ITGA11: variants seen among roughly 807,000 people sequenced by gnomAD.
ITGA11 encodes integrin alpha-11.
In ITGA11, 97 loss-of-function variants were observed where a neutral mutation model predicts 141.9. That is an observed-to-expected ratio of 0.68 (90% CI 0.58 to 0.81). The LOEUF is 0.81. Among genes scored for constraint, ITGA11 ranks in the 30% least tolerant of loss-of-function variants. The probability of loss-of-function intolerance (pLI) is 0.00; values close to 1 mark genes in which losing one functional copy is unlikely to be tolerated. For missense variants in ITGA11, 1,387 were observed against 1,559.2 expected (o/e 0.89, Z 1.86); for synonymous variants, 658 against 624.6 (o/e 1.05, Z -0.80).
Position 68,307,791 on chromosome 15 carries a change from G to GCCCC in ITGA11, c.3175-96_3175-95insGGGG. Reference sequence around the variant, plus strand: ...AACGACTGGGGCTCTGCTCCTGGGGGCAGGGGCAGAGGACAGGGGACAAAG... The same window carrying GCCCC: ...AACGACTGGGGCTCTGCTCCTGGGGGCCCCCAGGGGCAGAGGACAGGGGACAAAG... On this transcript the variant is annotated intron_variant, in intron 26 of 29. Transcript: ENST00000315757. The surrounding 1 kb of genome is among the most constrained non-coding windows in gnomAD (Gnocchi z 6.1). 8.7e-6 allele frequency: 7 copies of GCCCC among 804,060 alleles called. No homozygotes were observed. The highest frequency in any genetic ancestry group is 1.4e-5 in the Non-Finnish European group (7 of 485,932). 49.8% of individuals were successfully genotyped at this position (804,060 alleles called of 1,614,324 possible).
intron 2 of ITGA11, among the ~76,000 whole-genome samples, chr15:68,383,042 C>T (rs1895900497): frequency 1.3e-5 from 2 of 152,102 alleles, no homozygotes; most frequent in South Asian, 4.1e-4. Context: ...GAGGCCGAGG[C>T]AGGCGGATCA....
chr15:68,351,223 G>A lies in ITGA11; in HGVS notation c.894+35C>T, dbSNP rs750309194. 4 of 1,611,130 alleles carry A rather than the reference G, an allele frequency of 2.5e-6. No homozygotes were observed. The South Asian group carries it at 4.4e-5, about 18-fold the overall frequency. ...GGATTTGATGGTAAAGCCTCTCAGA[G>A]GCCATCAGCAGCCCTTGGGCGGGCC... On this transcript the variant is annotated intron_variant, in intron 8 of 29. Transcript: ENST00000315757.
At chr15:68,315,135 G>A (rs1338721819) in intron 22 of ITGA11, among the ~76,000 whole-genome samples, 1 of 152,120 alleles carries the variant, frequency 6.6e-6, no homozygotes, top group Admixed American at 6.5e-5. Flanking sequence ...AGGGGAGAGA[G>A]GTGACTAGGA....
At chr15:68,430,127 A>G (rs528131898) in intron 1 of ITGA11, among the ~76,000 whole-genome samples, 1 of 152,360 alleles carries the variant, frequency 6.6e-6, no homozygotes, top group Admixed American at 6.5e-5. Flanking sequence ...CCCATATTTC[A>G]AGAATGCAAC....
chr15:68,406,570 C>G (rs1036145870), intron 1 of ITGA11, among the ~76,000 whole-genome samples: 4 of 152,186 alleles, frequency 2.6e-5, no homozygotes, highest in African/African-American at 9.7e-5. Flanking sequence ...TTCCTGTGCT[C>G]CATTTTTCCT....
At position 68,331,850 on chromosome 15, in the gene ITGA11, A is replaced by G. The variant is rs1385582707; in HGVS notation, c.1770+9T>C. On this transcript the variant is annotated intron_variant, in intron 14 of 29. Transcript: ENST00000315757. ...ATTTGCTCCATCCGCTTCCCCAGGG[A>G]AGCCTGACCTGCTTAGGTGTCTTCA... 1 of 1,607,778 alleles carries G rather than the reference A, an allele frequency of 6.2e-7. No individual in the cohort carries two copies. Among genetic ancestry groups the G allele is most frequent in the South Asian group, 1.1e-5 (1 of 89,646 alleles).
chr15:68,386,959 CT>C (rs1896000147), intron 2 of ITGA11, among the ~76,000 whole-genome samples: 1 of 152,070 alleles, frequency 6.6e-6, no homozygotes, highest in African/African-American at 2.4e-5. Context: ...CCCTCACCCC[CT>C]ATCTCACCCA....
intron 1 of ITGA11, among the ~76,000 whole-genome samples, chr15:68,417,863 A>T (rs1206516155): frequency 1.3e-5 from 2 of 152,196 alleles, no homozygotes; most frequent in Non-Finnish European, 2.9e-5. Context: ...TGCTATGGAG[A>T]ATCTGTTCTT....
At chr15:68,425,642 G>T (rs569122848) in intron 1 of ITGA11, among the ~76,000 whole-genome samples, 43 of 152,296 alleles carry the variant, frequency 2.8e-4, no homozygotes, top group South Asian at 1.0e-3. Context: ...ACCTGGCCCG[G>T]CCTGACTGAC....
rs1895240759 is a variant in ITGA11, at chr15:68,361,454, G to A, written c.472+136C>T. On this transcript the variant is annotated intron_variant, in intron 5 of 29. Transcript: ENST00000315757. ...CAGAGAGTGGAGTGATACATTCCAG[G>A]TCATCCGGAGAGCTGGGGCAGGACA... is the stretch of plus-strand genomic sequence containing the variant. The A allele has an allele frequency of 1.4e-5, 9 of 625,066 alleles. No individual in the cohort carries two copies. The South Asian group carries it at 1.7e-4, about 12-fold the overall frequency. The allele number at this position is 625,066 out of a possible 1,614,324, so 38.7% of individuals were successfully genotyped here.
chr15:68,364,018 C>T (rs979148803), intron 4 of ITGA11, among the ~76,000 whole-genome samples: 1 of 152,184 alleles, frequency 6.6e-6, no homozygotes, highest in African/African-American at 2.4e-5. Context: ...ATCCCGGTGC[C>T]CAGCACTGGG....
chr15:68,403,347 G>C (rs945964883), intron 1 of ITGA11, among the ~76,000 whole-genome samples: 1 of 152,256 alleles, frequency 6.6e-6, no homozygotes, highest in East Asian at 1.9e-4. Flanking sequence ...GGAGATGTTT[G>C]GGTCATGGGG....
chr15:68,403,047 G>C lies in ITGA11; in HGVS notation c.53-18C>G. On this transcript the variant is annotated intron_variant, in intron 1 of 29. Coordinates refer to ENST00000315757, the MANE Select transcript of ITGA11 (RefSeq NM_001004439.2). The stretch of plus-strand genomic sequence containing the variant: ...CGTGAACCCTGAGGCAGGGGGAGAG[G>C]AGAGGAGAAGCAGGGGAGTCAGACA... 2 of 1,555,526 alleles carry C rather than the reference G, an allele frequency of 1.3e-6. No individual in the cohort carries two copies. Among genetic ancestry groups the C allele is most frequent in the South Asian group, 2.3e-5 (2 of 88,838 alleles).
intron 1 of ITGA11, among the ~76,000 whole-genome samples, chr15:68,419,430 C>T (rs1896965428): frequency 6.6e-6 from 1 of 152,198 alleles, no homozygotes; most frequent in South Asian, 2.1e-4. Flanking sequence ...TGTTCAGGCT[C>T]TGTTAAGGGC....
At chr15:68,364,907 T>G in intron 3 of ITGA11, 109 bp from the exon 4 acceptor site, 1 of 1,051,258 alleles carries the variant, frequency 9.5e-7, no homozygotes, top group Admixed American at 2.0e-5. Flanking sequence ...TCCCTGACCC[T>G]GGGGACCTCT....
Position 68,348,913 on chromosome 15 carries a change from G to A in ITGA11, c.1061-13C>T, listed in dbSNP as rs1379398222. 1.7e-5 allele frequency: 27 copies of A among 1,599,350 alleles called. No homozygotes were observed. Among genetic ancestry groups the A allele is most frequent in the Non-Finnish European group, 2.2e-5 (26 of 1,172,432 alleles). On this transcript the variant is annotated splice_polypyrimidine_tract_variant and intron_variant, in intron 9 of 29. Transcript: ENST00000315757. The stretch of plus-strand genomic sequence containing the variant: ...TTCTTGTTGGTGCCTGCAACAGAGT[G>A]ACAGAGAGATGTCAGCTCCATGCCC...
intron 2 of ITGA11, among the ~76,000 whole-genome samples, chr15:68,387,667 G>A (rs1474751231): frequency 6.6e-6 from 1 of 152,018 alleles, no homozygotes; most frequent in Non-Finnish European, 1.5e-5. Context: ...TACATCCGCT[G>A]GGCTCCAATC....
Position 68,357,114 on chromosome 15 carries a change from A to T in ITGA11, c.749+37T>A, listed in dbSNP as rs541776925. The T allele has an allele frequency of 1.1e-4, 175 of 1,598,940 alleles. 2 individuals carry two copies. In the South Asian group the frequency reaches 1.9e-3, roughly 18 times the overall value. On this transcript the variant is annotated intron_variant, in intron 7 of 29. Coordinates refer to ENST00000315757, the MANE Select transcript of ITGA11 (RefSeq NM_001004439.2). ...ATAGATAACTACAATAGCATCTGAG[A>T]TCTAAAAAAATTTTTTTTGTTCTAC...
intron 1 of ITGA11, among the ~76,000 whole-genome samples, chr15:68,403,901 C>A (rs962324406): frequency 6.6e-6 from 1 of 151,984 alleles, no homozygotes; most frequent in Non-Finnish European, 1.5e-5. Flanking sequence ...GTATTAGCCC[C>A]ACAAAGAAAG....
Sources: allele counts gnomAD v4.1 joint callset (sites outside exome capture counted in the v4.1 genomes callset), GRCh38; gene constraint gnomAD v4.1.1; non-coding constraint Gnocchi (gnomAD v3.1); transcripts MANE v1.5; gene names NCBI Gene and HGNC (gene_info 2026-07-23, HGNC 2026-07-21).